The following LRRC7 variants were observed in gnomAD, a reference collection of about 807,000 sequenced individuals.
LRRC7 encodes the protein leucine-rich repeat-containing protein 7.
Under a neutral mutation model 175.7 loss-of-function variants are expected in LRRC7, and 23 were observed. That is an observed-to-expected ratio of 0.13 (90% CI 0.09 to 0.19). The LOEUF (loss-of-function observed/expected upper bound fraction) is 0.19, where lower values mean the gene tolerates loss of function less well. Ranked by LOEUF, LRRC7 falls within the 10% of genes least tolerant of loss-of-function variation. The pLI, the probability that LRRC7 is intolerant of heterozygous loss-of-function variation, is 1.00. For missense variants in LRRC7, 1,354 were observed against 1,904.7 expected, an observed-to-expected ratio of 0.71 and a Z score of 5.38; for synonymous variants, 685 against 680.9, an observed-to-expected ratio of 1.01 and a Z score of -0.09.
intron 7 of LRRC7, among the ~76,000 whole-genome samples, chr1:69,909,037 T>C (rs1646425672): frequency 6.6e-6 from 1 of 151,724 alleles, no homozygotes; most frequent in South Asian, 2.1e-4. Context: ...GCCTTCTTTG[T>C]CTCTTTTGAT....
chr1:69,670,902 G>A (rs894797453), intron 1 of LRRC7, among the ~76,000 whole-genome samples: 3 of 152,032 alleles, frequency 2.0e-5, no homozygotes, highest in East Asian at 1.9e-4. Flanking sequence ...CTCACTATTC[G>A]GGGCAGCGGG....
At chr1:69,804,127 C>T (rs182559057) in intron 4 of LRRC7, among the ~76,000 whole-genome samples, 94 of 151,320 alleles carry the variant, frequency 6.2e-4, no homozygotes, top group Middle Eastern at 3.4e-3. Context: ...TTTTATTCAC[C>T]GTTGTTTTTA....
intron 2 of LRRC7, among the ~76,000 whole-genome samples, chr1:69,702,375 A>G (rs1488606960): frequency 6.6e-6 from 1 of 152,232 alleles, no homozygotes; most frequent in Non-Finnish European, 1.5e-5. Flanking sequence ...TTTTGTGATC[A>G]GCAACATTTT....
At chr1:69,782,004 ACTGATTT>A in intron 3 of LRRC7, among the ~76,000 whole-genome samples, 1 of 152,216 alleles carries the variant, frequency 6.6e-6, no homozygotes, top group East Asian at 1.9e-4. Context: ...CCCACACAGA[ACTGATTT>A]TGAATCTTAG....
chr1:69,862,426 A>G (rs1220982116), intron 7 of LRRC7, among the ~76,000 whole-genome samples: 2 of 152,206 alleles, frequency 1.3e-5, no homozygotes, highest in East Asian at 3.9e-4. Flanking sequence ...ACTGATTATT[A>G]TAGGGAGGAG....
chr1:69,686,599 C>T (rs1364864740), intron 2 of LRRC7, among the ~76,000 whole-genome samples: 1 of 151,954 alleles, frequency 6.6e-6, no homozygotes, highest in African/African-American at 2.4e-5. Context: ...CAAAATAATA[C>T]ACTCAAAAAC....
chr1:69,792,481 G>T (rs998412806), intron 4 of LRRC7, among the ~76,000 whole-genome samples: 4 of 151,912 alleles, frequency 2.6e-5, no homozygotes, highest in African/African-American at 9.7e-5. Context: ...TTCTCAACAT[G>T]TGTCAAATAT....
At chr1:70,063,840 T>C (rs2102092508) in intron 23 of LRRC7, among the ~76,000 whole-genome samples, 2 of 152,182 alleles carry the variant, frequency 1.3e-5, no homozygotes, top group Admixed American at 1.3e-4. Flanking sequence ...TTTTGGCTAA[T>C]AATTTCCTAA....
intron 2 of LRRC7, among the ~76,000 whole-genome samples, chr1:69,722,589 A>C (rs1318668619): frequency 1.3e-5 from 2 of 152,094 alleles, no homozygotes; most frequent in Non-Finnish European, 2.9e-5. Flanking sequence ...ACAGGATTAT[A>C]TATTTAATAT....
In LRRC7 at chr1:70,047,302, T is replaced by C. The variant is rs187725646; in HGVS notation, c.4110+3208T>C. 7.9e-5 allele frequency among the ~76,000 whole-genome samples: 12 copies of C among 152,216 alleles called. No individual in the cohort carries two copies. In the East Asian group the frequency reaches 2.3e-3, roughly 29 times the overall value. On this transcript the variant is annotated intron_variant, in intron 22 of 26. Coordinates refer to ENST00000651989, the MANE Select transcript of LRRC7 (RefSeq NM_001370785.2). ...TGACTCTGGGGTGTCCTAGAAAGAA[T>C]GAAGGAAGTTTCCTAAGGAATCTGT...
rs991354872 is a variant in LRRC7, at chr1:69,567,935, C to T, written c.-705C>T. On this transcript the variant is annotated 5_prime_UTR_variant, in exon 1 of 27. Transcript: ENST00000651989. Reference sequence around the variant, plus strand: ...GCCTCCTCGCCTGCCAATCCTGGCACCTGTGCGCCGAGCCACTGCACCGAG... The same window carrying T: ...GCCTCCTCGCCTGCCAATCCTGGCATCTGTGCGCCGAGCCACTGCACCGAG... 2.6e-5 allele frequency among the ~76,000 whole-genome samples: 4 copies of T among 151,944 alleles called. No individual in the cohort carries two copies. The East Asian group carries it at 5.9e-4, about 22-fold the overall frequency.
intron 7 of LRRC7, among the ~76,000 whole-genome samples, chr1:69,928,808 C>T (rs545154369): frequency 1.3e-4 from 20 of 152,308 alleles, no homozygotes; most frequent in African/African-American, 2.9e-4. Context: ...CAGTGCGCTG[C>T]GCCCACTGTC....
At chr1:70,073,638 T>C (rs1662554162) in intron 23 of LRRC7, among the ~76,000 whole-genome samples, 1 of 151,684 alleles carries the variant, frequency 6.6e-6, no homozygotes, top group Non-Finnish European at 1.5e-5. Flanking sequence ...TCTGGATCCT[T>C]CTAAGTTTGT....
At chr1:69,984,342 A>G (rs549339142) in intron 9 of LRRC7, among the ~76,000 whole-genome samples, 2 of 152,184 alleles carry the variant, frequency 1.3e-5, no homozygotes, top group Non-Finnish European at 2.9e-5. Flanking sequence ...AGTACTTAGT[A>G]TAGTGCCAAG....
At chr1:69,758,202 A>G (rs372774439) in intron 2 of LRRC7, among the ~76,000 whole-genome samples, 2 of 152,200 alleles carry the variant, frequency 1.3e-5, no homozygotes, top group East Asian at 1.9e-4. Context: ...AAGAATTTCA[A>G]GTAAGGTTAT....
intron 8 of LRRC7, among the ~76,000 whole-genome samples, chr1:69,949,392 C>T (rs936495925): frequency 9.2e-5 from 14 of 152,066 alleles, no homozygotes; most frequent in African/African-American, 2.4e-4. Flanking sequence ...ACCAACATGG[C>T]GAAATCCTGT....
intron 7 of LRRC7, among the ~76,000 whole-genome samples, chr1:69,888,721 A>T (rs1054680434): frequency 1.3e-5 from 2 of 148,870 alleles, no homozygotes; most frequent in Non-Finnish European, 3.0e-5. Flanking sequence ...GGTGGAATCT[A>T]AAAAAAAAAC....
At chr1:70,039,815 A>G (rs1659705246) in intron 21 of LRRC7, 22 bp downstream of exon 21, 1 of 1,547,328 alleles carries the variant, frequency 6.5e-7, no homozygotes, top group Non-Finnish European at 8.7e-7. Context: ...GTTTCTCTGT[A>G]AGAATATCCC....
chr1:70,020,950 C>T (rs1657426928), intron 15 of LRRC7, 55 bp from the exon 16 acceptor site: 12 of 1,491,542 alleles, frequency 8.0e-6, no homozygotes, highest in Non-Finnish European at 1.0e-5. Flanking sequence ...ATATTAAATA[C>T]TTTGTGTAAA....
Sources: gnomAD v4.1 joint callset for allele counts (sites outside exome capture counted in the v4.1 genomes callset) on GRCh38, gnomAD v4.1.1 for gene constraint, MANE v1.5 for transcripts, NCBI Gene and HGNC (gene_info 2026-07-23, HGNC 2026-07-21) for gene names.